FBXL13: variants seen among roughly 807,000 people sequenced by gnomAD.
FBXL13 encodes F-box and leucine rich repeat protein 13, also known as F-box and leucine-rich repeat protein 13.
In FBXL13, 67 loss-of-function variants were observed where a neutral mutation model predicts 83.6. The ratio of observed to expected loss-of-function variants is 0.80; its 90% CI spans 0.66 to 0.98. The LOEUF (loss-of-function observed/expected upper bound fraction) is 0.98, where lower values mean the gene tolerates loss of function less well. Among genes scored for constraint, FBXL13 ranks in the 50% least tolerant of loss-of-function variants. FBXL13 has a pLI of 0.00. For missense variants in FBXL13, 822 were observed against 866.5 expected (o/e 0.95, Z 0.64); for synonymous variants, 272 against 299.5 (o/e 0.91, Z 0.95).
At chr7:102,867,686 TA>T (rs1563016753) in intron 16 of FBXL13, among the ~76,000 whole-genome samples, 29 of 85,304 alleles carry the variant, frequency 3.4e-4, no homozygotes, top group African/African-American at 6.7e-4. Flanking sequence ...TATATATATA[TA>T]TATATATATT....
chr7:102,882,418 A>T (rs906245789), intron 14 of FBXL13, among the ~76,000 whole-genome samples: 2 of 152,124 alleles, frequency 1.3e-5, no homozygotes, highest in African/African-American at 4.8e-5. Context: ...AGAATTCTAC[A>T]TAGGTAAGAG....
At chr7:103,057,651 T>C (rs967092182) in intron 1 of FBXL13, among the ~76,000 whole-genome samples, 13 of 152,234 alleles carry the variant, frequency 8.5e-5, no homozygotes, top group Admixed American at 8.5e-4. Flanking sequence ...GGATCTAAGA[T>C]ACTGTTTAAA....
chr7:102,862,839 T>C (rs1807064876), intron 16 of FBXL13, among the ~76,000 whole-genome samples: 1 of 152,204 alleles, frequency 6.6e-6, no homozygotes, highest in South Asian at 2.1e-4. Context: ...TGGATGTTCG[T>C]TTTCAGTTTC....
At chr7:103,028,518 C>A (rs985118615) in intron 4 of FBXL13, 82 bp downstream of exon 5, 17 of 986,978 alleles carry the variant, frequency 1.7e-5, no homozygotes, top group Non-Finnish European at 2.3e-5. Context: ...TCTCTAAGTA[C>A]CCAAAGTATG....
intron 14 of FBXL13, among the ~76,000 whole-genome samples, chr7:102,881,560 T>C (rs1454183528): frequency 7.1e-6 from 1 of 139,862 alleles, no homozygotes; most frequent in Non-Finnish European, 1.5e-5. Flanking sequence ...CTTGTGTATG[T>C]AGTGTGTGTG....
chr7:102,934,487 T>C, intron 8 of FBXL13: 1 of 1,614,116 alleles, frequency 6.2e-7, no homozygotes. Flanking sequence ...CTACGCCAAG[T>C]GTGAAAGTCC....
chr7:102,858,405 T>C (rs541321004), intron 16 of FBXL13, among the ~76,000 whole-genome samples: 1 of 152,338 alleles, frequency 6.6e-6, no homozygotes, highest in South Asian at 2.1e-4. Context: ...TAATTTATTG[T>C]ATATTTTCAA....
chr7:102,887,855 G>A (rs559658821), intron 11 of FBXL13, among the ~76,000 whole-genome samples: 37 of 152,222 alleles, frequency 2.4e-4, no homozygotes, highest in African/African-American at 8.7e-4. Context: ...CATCACAGAA[G>A]GAAATACACC....
intron 6 of FBXL13, among the ~76,000 whole-genome samples, chr7:103,014,457 G>A (rs1398420294): frequency 1.3e-5 from 2 of 152,152 alleles, no homozygotes; most frequent in Non-Finnish European, 2.9e-5. Flanking sequence ...TGAAGAGCTG[G>A]TACCATTCTC....
chr7:102,972,727 TAATA>T (rs997709039), intron 6 of FBXL13, among the ~76,000 whole-genome samples: 8 of 151,042 alleles, frequency 5.3e-5, no homozygotes, highest in African/African-American at 1.5e-4. Context: ...AGATAATAAA[TAATA>T]AATAAAAAGA....
chr7:102,966,191 AT>A (rs1401698271), intron 7 of FBXL13, among the ~76,000 whole-genome samples: 1 of 152,142 alleles, frequency 6.6e-6, no homozygotes, highest in African/African-American at 2.4e-5. Flanking sequence ...TCTTAATTTT[AT>A]TTTTGGTTTA....
rs528606245 is a variant in FBXL13 at position 102,852,941 on chromosome 7, A to C, written c.1719+1836T>G. Among the ~76,000 whole-genome samples the C allele has an allele frequency of 2.0e-5, 3 of 152,338 alleles. No homozygotes were observed. In the East Asian group the frequency reaches 5.8e-4, roughly 29 times the overall value. On this transcript the variant is annotated intron_variant, in intron 17 of 19. Transcript: ENST00000313221. ...TTGCAAAATCGGGGAACTAACCCAA[A>C]TGTCCATCAATCAATGAGTAGATAA...
chr7:102,854,743 T>C (rs760385853), intron 17 of FBXL13, 34 bp downstream of exon 18: 7 of 1,332,992 alleles, frequency 5.3e-6, no homozygotes, highest in Non-Finnish European at 7.2e-6. Context: ...AATTTCAATC[T>C]TAATTCTTTA....
chr7:103,034,882 T>A (rs1054709214), intron 2 of FBXL13, among the ~76,000 whole-genome samples: 36 of 152,224 alleles, frequency 2.4e-4, no homozygotes, highest in African/African-American at 8.0e-4. Flanking sequence ...AAGTCTTACA[T>A]TATGCCAGTT....
intron 2 of FBXL13, among the ~76,000 whole-genome samples, chr7:103,039,605 A>G (rs201297268): frequency 1.3e-5 from 2 of 152,180 alleles, no homozygotes; most frequent in Non-Finnish European, 2.9e-5. Context: ...AAAGGGAAGC[A>G]CATCAGACTA....
chr7:102,821,909 A>G, intron 19 of FBXL13, 131 bp downstream of exon 20: 1 of 1,035,484 alleles, frequency 9.7e-7, no homozygotes, highest in Non-Finnish European at 1.4e-6. Context: ...AGCTTCAATT[A>G]GGCAAAAAAT....
At chr7:103,002,633 A>G (rs1386849496) in intron 6 of FBXL13, among the ~76,000 whole-genome samples, 1 of 152,174 alleles carries the variant, frequency 6.6e-6, no homozygotes, top group Non-Finnish European at 1.5e-5. Flanking sequence ...TTTGCCTGGG[A>G]AAGACTATCT....
At chr7:103,054,655 T>A (rs1797164919) in intron 2 of FBXL13, among the ~76,000 whole-genome samples, 1 of 152,160 alleles carries the variant, frequency 6.6e-6, no homozygotes, top group Admixed American at 6.5e-5. Flanking sequence ...ATTACGAGCA[T>A]GATTCCCTGT....
At chr7:102,816,612 C>G (rs1439180558) in intron 19 of FBXL13, among the ~76,000 whole-genome samples, 2 of 152,074 alleles carry the variant, frequency 1.3e-5, no homozygotes, top group Non-Finnish European at 2.9e-5. Context: ...TGCACACACG[C>G]ACCTTTAAAA....
Sources: allele counts gnomAD v4.1 joint callset (sites outside exome capture counted in the v4.1 genomes callset), GRCh38; gene constraint gnomAD v4.1.1; transcripts MANE v1.5; gene names NCBI Gene and HGNC (gene_info 2026-07-23, HGNC 2026-07-21).